OR10Z1: variants seen among roughly 807,000 people sequenced by gnomAD.
OR10Z1 encodes olfactory receptor family 10 subfamily Z member 1, also known as olfactory receptor 10Z1.
For missense variants in OR10Z1, 468 were observed against 371.0 expected (o/e 1.26, Z -2.15); for synonymous variants, 187 against 151.2 (o/e 1.24, Z -1.74).
rs1403747654 is a variant in OR10Z1 at position 158,607,123 on chromosome 1, C to A, written c.685C>A (p.Pro229Thr). ...AYILAAILRI[P>T]SAEGQKKAFS... Reference sequence around the variant, plus strand: ...CATCTTGGCAGCAATACTGAGGATCCCCTCTGCTGAGGGGCAGAAGAAGGC... The same window carrying A: ...CATCTTGGCAGCAATACTGAGGATCACCTCTGCTGAGGGGCAGAAGAAGGC... The change falls in exon 2 of 2, where the codon CCC becomes ACC. Residue 229 changes from proline (P) to threonine (T), a missense_variant. Pro to Thr is a conservative substitution (Grantham distance 38). Transcript: ENST00000641002. 6.2e-7 allele frequency: 1 copy of A among 1,614,020 alleles called. No homozygotes were observed. Among genetic ancestry groups the A allele is most frequent in the Admixed American group, 1.7e-5 (1 of 59,990 alleles).
Position 158,611,265 on chromosome 1 carries a change from TAGTTGCC to T in OR10Z1, c.*3887_*3893del, listed in dbSNP as rs746931020. The T allele has an allele frequency of 1.7e-5, 27 of 1,613,498 alleles. No homozygotes were observed. The highest frequency in any genetic ancestry group is 2.2e-5 in the Non-Finnish European group (26 of 1,179,688). ...CTACGATCCACGAGGAGCTGCTTATTAGTTGCCAAAGTAGGAATTGGTGAAGCCAACG... is the reference window on the plus strand; with the variant it reads ...CTACGATCCACGAGGAGCTGCTTATTAAAGTAGGAATTGGTGAAGCCAACG... On this transcript the variant is annotated 3_prime_UTR_variant, in exon 2 of 2. Coordinates refer to ENST00000641002, the MANE Select transcript of OR10Z1 (RefSeq NM_001004478.2).
chr1:158,610,697 A>G lies in OR10Z1; in HGVS notation c.*3317A>G, dbSNP rs1308083034. 1 of 152,832 alleles carries G rather than the reference A, an allele frequency of 6.5e-6. No homozygotes were observed. Among genetic ancestry groups the G allele is most frequent in the Non-Finnish European group, 1.5e-5 (1 of 68,550 alleles). 9.5% of individuals were successfully genotyped at this position (152,832 alleles called of 1,614,324 possible). A position where few individuals can be genotyped will look rare whatever the true frequency, so the allele number is the denominator to read the frequency against. ...GTTGTTTCATTGTACAAACTAAAATATTCATGTTCCCCAGAAAATCAAATA... is the reference window on the plus strand; with the variant it reads ...GTTGTTTCATTGTACAAACTAAAATGTTCATGTTCCCCAGAAAATCAAATA... On this transcript the variant is annotated 3_prime_UTR_variant, in exon 2 of 2. Coordinates refer to ENST00000641002, the MANE Select transcript of OR10Z1 (RefSeq NM_001004478.2).
At position 158,606,753 on chromosome 1, in the gene OR10Z1, C is replaced by T; in HGVS notation, c.315C>T (p.Ala105=). 6.2e-7 allele frequency: 1 copy of T among 1,614,060 alleles called. No homozygotes were observed. The highest frequency in any genetic ancestry group is 8.5e-7 in the Non-Finnish European group (1 of 1,179,984). Residue 105 remains alanine (A), a synonymous_variant, in exon 2 of 2, where the codon GCC becomes GCT. Transcript: ENST00000641002. ...GTGCTGCCCAGATGTTCTTTTCTGC[C>T]TCATGGGCCTGTACTAACTGCTTCC... ...VGCAAQMFFS[A]SWACTNCFLL...
chr1:158,608,622 A>T lies in OR10Z1; in HGVS notation c.*1242A>T, dbSNP rs981536680. On this transcript the variant is annotated 3_prime_UTR_variant, in exon 2 of 2. Transcript: ENST00000641002. The stretch of plus-strand genomic sequence containing the variant: ...TACTCTAGGTGGAGGATCAGAGAAG[A>T]CTTCATGTCTTAAATAGTATCTGAA... The T allele has an allele frequency of 6.6e-6, 1 of 152,172 alleles. No homozygotes were observed. The highest frequency in any genetic ancestry group is 2.4e-5 in the African/African-American group (1 of 41,456). 9.4% of individuals were successfully genotyped at this position (152,172 alleles called of 1,614,324 possible). A position where few individuals can be genotyped will look rare whatever the true frequency, so the allele number is the denominator to read the frequency against.
intron 1 of OR10Z1, 46 bp from the exon 2 acceptor site, chr1:158,606,280 T>C (rs947375976): frequency 1.8e-5 from 11 of 602,772 alleles, no homozygotes; most frequent in East Asian, 8.3e-5. Context: ...TAACAAATAC[T>C]TTTTTGAAGT....
Position 158,607,011 on chromosome 1 carries a change from T to C in OR10Z1, c.573T>C (p.Asp191=), listed in dbSNP as rs1268945881. 5 of 1,613,944 alleles carry C rather than the reference T, an allele frequency of 3.1e-6. No homozygotes were observed. The highest frequency in any genetic ancestry group is 4.2e-6 in the Non-Finnish European group (5 of 1,179,964). ...TPPVLSLACG[D]TGPSELRIFI... ...CTGTGCTGAGCCTAGCCTGTGGAGA[T>C]ACAGGCCCGAGTGAGCTGAGGATCT... The change falls in exon 2 of 2, where the codon GAT becomes GAC. Residue 191 remains aspartate (D), a synonymous_variant. Coordinates refer to ENST00000641002, the MANE Select transcript of OR10Z1 (RefSeq NM_001004478.2).
At position 158,606,536 on chromosome 1, in the gene OR10Z1, C is replaced by G. The variant is rs1337625319; in HGVS notation, c.98C>G (p.Ser33Cys). 6.2e-7 allele frequency: 1 copy of G among 1,613,898 alleles called. No individual in the cohort carries two copies. Among genetic ancestry groups the G allele is most frequent in the Non-Finnish European group, 8.5e-7 (1 of 1,179,850 alleles). The change falls in exon 2 of 2, where the codon TCT becomes TGT. Residue 33 changes from serine (S) to cysteine (C), a missense_variant. By Grantham distance (112) the Ser-to-Cys change is moderately radical. Transcript: ENST00000641002. ...CTCCTTCTCTTTGCCTTGTTCCTCTCTCTGTATCTAGTCACTCTGACCAGC... is the reference window on the plus strand; with the variant it reads ...CTCCTTCTCTTTGCCTTGTTCCTCTGTCTGTATCTAGTCACTCTGACCAGC... ...LQLLLFALFL[S>C]LYLVTLTSNV...
Position 158,606,921 on chromosome 1 carries a change from A to G in OR10Z1, c.483A>G (p.Leu161=). ...TGYLFGLGMT[L]VIFHLSFCSS... is the part of the protein sequence containing the mutation. ...ACCTCTTTGGACTGGGAATGACACT[A>G]GTTATTTTCCACCTCTCATTCTGCA... Residue 161 remains leucine (L), a synonymous_variant, in exon 2 of 2, where the codon CTA becomes CTG. Coordinates refer to ENST00000641002, the MANE Select transcript of OR10Z1 (RefSeq NM_001004478.2). 1 of 1,613,938 alleles carries G rather than the reference A, an allele frequency of 6.2e-7. No individual in the cohort carries two copies. The highest frequency in any genetic ancestry group is 1.1e-5 in the South Asian group (1 of 91,056).
intron 1 of OR10Z1, among the ~76,000 whole-genome samples, chr1:158,605,680 T>TTCCATAGTCTCTAAAGAGAG (rs1242006820): frequency 6.6e-6 from 1 of 152,200 alleles, no homozygotes; most frequent in African/African-American, 2.4e-5. Flanking sequence ...TTAGTGTGTG[T>TTCCATAGTCTCTAAAGAGAG]TCCATAGTCT....
rs1432370317 is a variant in OR10Z1 at position 158,610,632 on chromosome 1, A to G, written c.*3252A>G. ...ATCTACAATAATTTTGAAGTATGGA[A>G]AAAAAACAAGAAGAAAACAGGTGTT... On this transcript the variant is annotated 3_prime_UTR_variant, in exon 2 of 2. Coordinates refer to ENST00000641002, the MANE Select transcript of OR10Z1 (RefSeq NM_001004478.2). The G allele has an allele frequency of 2.0e-5, 3 of 152,128 alleles. No individual in the cohort carries two copies. Among genetic ancestry groups the G allele is most frequent in the Non-Finnish European group, 2.9e-5 (2 of 68,020 alleles). The allele number at this position is 152,128 out of a possible 1,614,324, so 9.4% of individuals were successfully genotyped here.
rs752568772 is a variant in OR10Z1, at chr1:158,607,138, C to A, written c.700C>A (p.Gln234Lys). 2 of 1,613,814 alleles carry A rather than the reference C, an allele frequency of 1.2e-6. No individual in the cohort carries two copies. The highest frequency in any genetic ancestry group is 1.3e-5 in the African/African-American group (1 of 74,896). Residue 234 changes from glutamine to lysine, a missense_variant, in exon 2 of 2, where the codon CAG (glutamine) becomes AAG (lysine). By Grantham distance (53) the Gln-to-Lys change is moderately conservative. Coordinates refer to ENST00000641002, the MANE Select transcript of OR10Z1 (RefSeq NM_001004478.2). ...AILRIPSAEG[Q>K]KKAFSTCASH... The stretch of plus-strand genomic sequence containing the variant: ...ACTGAGGATCCCCTCTGCTGAGGGG[C>A]AGAAGAAGGCCTTCTCCACTTGTGC...
rs1309716036 is a variant in OR10Z1, at chr1:158,608,354, AC to A, written c.*976del. 2 of 152,122 alleles carry A rather than the reference AC, an allele frequency of 1.3e-5. No individual in the cohort carries two copies. Among genetic ancestry groups the A allele is most frequent in the African/African-American group, 4.8e-5 (2 of 41,440 alleles). The allele number at this position is 152,122 out of a possible 1,614,324, so 9.4% of individuals were successfully genotyped here. A position where few individuals can be genotyped will look rare whatever the true frequency, so the allele number is the denominator to read the frequency against. ...AGAGAAAGTGTAATGAACTCACAAG[AC>A]CGTCAGGCAGGAGTTTGAATCCAAA... On this transcript the variant is annotated 3_prime_UTR_variant, in exon 2 of 2. Transcript: ENST00000641002.
rs747990612 is a variant in OR10Z1 at position 158,609,563 on chromosome 1, T to A, written c.*2183T>A. The stretch of plus-strand genomic sequence containing the variant: ...AATACTTAGAGGTCTAACTTCCACA[T>A]GTAGTAGTCTTAAGTATGGAAGGGT... On this transcript the variant is annotated 3_prime_UTR_variant, in exon 2 of 2. Transcript: ENST00000641002. 1 of 152,190 alleles carries A rather than the reference T, an allele frequency of 6.6e-6. No individual in the cohort carries two copies. Among genetic ancestry groups the A allele is most frequent in the Non-Finnish European group, 1.5e-5 (1 of 68,016 alleles). 9.4% of individuals were successfully genotyped at this position (152,190 alleles called of 1,614,324 possible). A position where few individuals can be genotyped will look rare whatever the true frequency, so the allele number is the denominator to read the frequency against.
rs199908371 is a variant in OR10Z1, at chr1:158,606,983, C to T, written c.545C>T (p.Pro182Leu). The T allele has an allele frequency of 4.5e-5, 73 of 1,614,014 alleles. No individual in the cohort carries two copies. The highest frequency in any genetic ancestry group is 6.0e-5 in the Non-Finnish European group (71 of 1,179,966). ...ATCCAGCACTTTTTTTGTGACACGCCACCTGTGCTGAGCCTAGCCTGTGGA... is the reference window on the plus strand; with the variant it reads ...ATCCAGCACTTTTTTTGTGACACGCTACCTGTGCTGAGCCTAGCCTGTGGA... ...HEIQHFFCDT[P>L]PVLSLACGDT... The change falls in exon 2 of 2, where the codon CCA becomes CTA. Residue 182 changes from proline to leucine, a missense_variant. Physicochemically the swap from Pro to Leu is moderately conservative, Grantham distance 98 (BLOSUM62 -3). Coordinates refer to ENST00000641002, the MANE Select transcript of OR10Z1 (RefSeq NM_001004478.2).
chr1:158,609,766 CTCT>C lies in OR10Z1; in HGVS notation c.*2392_*2394del, dbSNP rs1271810289. ...TGACTACGCGCTTAGAAAGGGCAAA[CTCT>C]TCTTCCAGGTACACACATTTGACCC... On this transcript the variant is annotated 3_prime_UTR_variant, in exon 2 of 2. Transcript: ENST00000641002. The C allele has an allele frequency of 1.3e-5, 2 of 152,166 alleles. No homozygotes were observed. The highest frequency in any genetic ancestry group is 2.9e-5 in the Non-Finnish European group (2 of 68,024). The allele number at this position is 152,166 out of a possible 1,614,324, so 9.4% of individuals were successfully genotyped here. A position where few individuals can be genotyped will look rare whatever the true frequency, so the allele number is the denominator to read the frequency against.
In OR10Z1 at chr1:158,612,438, C is replaced by A; in HGVS notation, c.*5058C>A. ...TTTGCTTCTGTTACAGTGTTTTTAACTTGTAAAGTTCTGTCTTCCCCACTA... is the reference window on the plus strand; with the variant it reads ...TTTGCTTCTGTTACAGTGTTTTTAAATTGTAAAGTTCTGTCTTCCCCACTA... On this transcript the variant is annotated 3_prime_UTR_variant, in exon 2 of 2. Transcript: ENST00000641002. 3.5e-6 allele frequency: 1 copy of A among 287,316 alleles called. No individual in the cohort carries two copies. The highest frequency in any genetic ancestry group is 3.5e-5 in the South Asian group (1 of 28,338). 17.8% of individuals were successfully genotyped at this position (287,316 alleles called of 1,614,324 possible).
In OR10Z1 at chr1:158,611,482, T is replaced by A. The variant is rs909177125; in HGVS notation, c.*4102T>A. The stretch of plus-strand genomic sequence containing the variant: ...CATATTACGCCATAAATGCAGGAGA[T>A]GGAGAGTCTCTGGAAGACGCAAGCC... On this transcript the variant is annotated 3_prime_UTR_variant, in exon 2 of 2. Transcript: ENST00000641002. 19 of 1,487,626 alleles carry A rather than the reference T, an allele frequency of 1.3e-5. No individual in the cohort carries two copies. Among genetic ancestry groups the A allele is most frequent in the East Asian group, 9.2e-5 (4 of 43,316 alleles). The allele number at this position is 1,487,626 out of a possible 1,614,324, so 92.2% of individuals were successfully genotyped here.
At position 158,607,457 on chromosome 1, in the gene OR10Z1, C is replaced by A; in HGVS notation, c.*77C>A. 2 of 1,149,312 alleles carry A rather than the reference C, an allele frequency of 1.7e-6. No homozygotes were observed. The highest frequency in any genetic ancestry group is 2.5e-6 in the Non-Finnish European group (2 of 797,630). 71.2% of individuals were successfully genotyped at this position (1,149,312 alleles called of 1,614,324 possible). On this transcript the variant is annotated 3_prime_UTR_variant, in exon 2 of 2. Coordinates refer to ENST00000641002, the MANE Select transcript of OR10Z1 (RefSeq NM_001004478.2). ...AACCCAAGCCAAAGGGCCAGGTATTCAAGGCCTCAGGCCAAAGCTGTCCTA... is the reference window on the plus strand; with the variant it reads ...AACCCAAGCCAAAGGGCCAGGTATTAAAGGCCTCAGGCCAAAGCTGTCCTA...
rs1649125904 is a variant in OR10Z1, at chr1:158,608,738, T to A, written c.*1358T>A. The A allele has an allele frequency of 6.6e-6, 1 of 152,112 alleles. No individual in the cohort carries two copies. Among genetic ancestry groups the A allele is most frequent in the Admixed American group, 6.6e-5 (1 of 15,262 alleles). 9.4% of individuals were successfully genotyped at this position (152,112 alleles called of 1,614,324 possible). A position where few individuals can be genotyped will look rare whatever the true frequency, so the allele number is the denominator to read the frequency against. ...GAGAATGTAATAGCCAAAGGCTTGA[T>A]GGTAAGACAATATAAGCCTAGTTTA... is the stretch of plus-strand genomic sequence containing the variant. On this transcript the variant is annotated 3_prime_UTR_variant, in exon 2 of 2. Coordinates refer to ENST00000641002, the MANE Select transcript of OR10Z1 (RefSeq NM_001004478.2).
Sources: allele counts gnomAD v4.1 joint callset (sites outside exome capture counted in the v4.1 genomes callset), GRCh38; gene constraint gnomAD v4.1.1; transcripts MANE v1.5; gene names NCBI Gene and HGNC (gene_info 2026-07-23, HGNC 2026-07-21).